NOP14: variants seen among roughly 807,000 people sequenced by gnomAD.
NOP14 encodes the protein NOP14 nucleolar protein, also known as nucleolar protein 14.
NOP14 carries 57 observed loss-of-function variants against 101.6 expected under a neutral mutation model. The observed-to-expected ratio is 0.56, with a 90% CI of 0.45 to 0.70. The LOEUF (loss-of-function observed/expected upper bound fraction) is 0.70, where lower values mean the gene tolerates loss of function less well. Ranked by LOEUF, NOP14 falls within the 30% of genes least tolerant of loss-of-function variation. The probability of loss-of-function intolerance (pLI) is 0.00; values close to 1 mark genes in which losing one functional copy is unlikely to be tolerated. For synonymous variants in NOP14, 428 were observed against 424.0 expected (o/e 1.01, Z -0.12); for missense variants, 1,134 against 1,075.5 (o/e 1.05, Z -0.76).
At chr4:2,960,718 T>TTATAATTATATTAATATTAATATATTAA (rs1560310501) in intron 1 of NOP14, among the ~76,000 whole-genome samples, 2 of 97,734 alleles carry the variant, frequency 2.0e-5, no homozygotes, top group Non-Finnish European at 4.6e-5. Context: ...TATATTAATA[T>TTATAATTATATTAATATTAATATATTAA]TATAATCACA....
chr4:2,942,052 G>T, intron 14 of NOP14, 140 bp downstream of exon 14: 1 of 794,766 alleles, frequency 1.3e-6, no homozygotes, highest in Non-Finnish European at 2.0e-6. Context: ...ACATGCCTCA[G>T]AAAGGCTTTC....
At chr4:2,961,817 G>C (rs769414613) in intron 1 of NOP14, 2 of 152,202 alleles carry the variant, frequency 1.3e-5, no homozygotes, top group Non-Finnish European at 2.9e-5. Flanking sequence ...TCAAATATTT[G>C]TGTTTCTTCC....
In NOP14 at chr4:2,941,572, G is replaced by T. The variant is rs779000327; in HGVS notation, c.2199+10C>A. ...CCAGGCAGAGCACCCTAGTGGCCGGGAAGCCTCACCTGGAGCTCCTGCGGG... is the reference window on the plus strand; with the variant it reads ...CCAGGCAGAGCACCCTAGTGGCCGGTAAGCCTCACCTGGAGCTCCTGCGGG... On this transcript the variant is annotated intron_variant, in intron 15 of 17. Transcript: ENST00000416614. 1.9e-6 allele frequency: 3 copies of T among 1,610,426 alleles called. No individual in the cohort carries two copies. The highest frequency in any genetic ancestry group is 3.3e-5 in the Admixed American group (2 of 59,770).
At chr4:2,940,290 T>A (rs1464413641) in intron 15 of NOP14, 1 of 152,816 alleles carries the variant, frequency 6.5e-6, no homozygotes, top group Non-Finnish European at 1.5e-5. Flanking sequence ...CTACCCGCTT[T>A]CTCCTGCACA....
At position 2,938,450 on chromosome 4, in the gene NOP14, G is replaced by C; in HGVS notation, c.*381C>G. 2 of 349,638 alleles carry C rather than the reference G, an allele frequency of 5.7e-6. No homozygotes were observed. The highest frequency in any genetic ancestry group is 1.1e-5 in the Non-Finnish European group (2 of 179,438). The allele number at this position is 349,638 out of a possible 1,614,324, so 21.7% of individuals were successfully genotyped here. On this transcript the variant is annotated 3_prime_UTR_variant, in exon 18 of 18. Coordinates refer to ENST00000416614, the MANE Select transcript of NOP14 (RefSeq NM_001291978.2). ...CAGGAGAATCGCTTGAACCCAGGAGGTGGAGGTTGTGCCATTGCACTCCAG... is the reference window on the plus strand; with the variant it reads ...CAGGAGAATCGCTTGAACCCAGGAGCTGGAGGTTGTGCCATTGCACTCCAG...
Position 2,939,611 on chromosome 4 carries a change from C to T in NOP14, c.2234G>A (p.Ser745Asn). The T allele has an allele frequency of 6.2e-7, 1 of 1,613,890 alleles. No homozygotes were observed. The highest frequency in any genetic ancestry group is 8.5e-7 in the Non-Finnish European group (1 of 1,180,036). ...CAGCGGCCGGCAGAGCTGCTTCTGG[C>T]TTTCCATTTCGGTCAGTGTGCTCTG... Reference protein sequence around the residue: ...LCQSTLTEMESQKQLCRPLTC... With the variant: ...LCQSTLTEMENQKQLCRPLTC... Residue 745 changes from serine (S) to asparagine (N), a missense_variant, in exon 16 of 18, where the codon AGC (serine) becomes AAC (asparagine). Coordinates refer to ENST00000416614, the MANE Select transcript of NOP14 (RefSeq NM_001291978.2).
chr4:2,942,821 G>C (rs1490324183), intron 13 of NOP14, among the ~76,000 whole-genome samples: 4 of 147,602 alleles, frequency 2.7e-5, no homozygotes, highest in Non-Finnish European at 4.5e-5. Context: ...CTGAGGGGCA[G>C]ACGTCAGCAA....
chr4:2,953,536 TTC>T lies in NOP14; in HGVS notation c.720_721del (p.Asn241GlnfsTer13). The T allele has an allele frequency of 6.2e-7, 1 of 1,614,266 alleles. No homozygotes were observed. The highest frequency in any genetic ancestry group is 1.1e-5 in the South Asian group (1 of 91,084). On this transcript the variant is annotated frameshift_variant, in exon 5 of 18. Transcript: ENST00000416614. LOFTEE classifies it high-confidence loss of function. Reference sequence around the variant, plus strand: ...CTTGGGTTTTTCCTTTTTGTCTCTGTTCTCTGACTTGGGAGTTTTGTGGGACA... The same window carrying T: ...CTTGGGTTTTTCCTTTTTGTCTCTGTTCTGACTTGGGAGTTTTGTGGGACA...
intron 4 of NOP14, 105 bp downstream of exon 4, chr4:2,954,319 A>C: frequency 1.5e-6 from 2 of 1,316,068 alleles, no homozygotes; most frequent in Non-Finnish European, 2.1e-6. Context: ...ACTCATATAA[A>C]ATATTAAACA....
In NOP14 at chr4:2,938,036, C is replaced by T. The variant is rs1713787603; in HGVS notation, c.*795G>A. ...CAGAAATTACACTGGCCAGAATCCC[C>T]AGTCCCCATGAGGCTTGTCCAGACG... is the stretch of plus-strand genomic sequence containing the variant. On this transcript the variant is annotated 3_prime_UTR_variant, in exon 18 of 18. Transcript: ENST00000416614. 1 of 328,754 alleles carries T rather than the reference C, an allele frequency of 3.0e-6. No individual in the cohort carries two copies. Among genetic ancestry groups the T allele is most frequent in the East Asian group, 1.3e-4 (1 of 7,870 alleles). The allele number at this position is 328,754 out of a possible 1,614,324, so 20.4% of individuals were successfully genotyped here.
rs770350311 is a variant in NOP14 at position 2,963,323 on chromosome 4, G to A, written c.-4C>T. On this transcript the variant is annotated 5_prime_UTR_variant, in exon 1 of 18. Transcript: ENST00000416614. ...CGACCTTCTTCGCCTTCGCCATGGC[G>A]CGCGCCCCGCTGCGCCCAAGGGCCC... is the stretch of plus-strand genomic sequence containing the variant. 6.4e-7 allele frequency: 1 copy of A among 1,569,230 alleles called. No individual in the cohort carries two copies. The highest frequency in any genetic ancestry group is 8.6e-7 in the Non-Finnish European group (1 of 1,162,472).
chr4:2,940,445 C>A (rs910768295), intron 15 of NOP14: 1 of 152,362 alleles, frequency 6.6e-6, no homozygotes, highest in East Asian at 1.9e-4. Context: ...GACCATGAGA[C>A]CTGCTGTGCC....
At chr4:2,954,894 T>C (rs1715236735) in intron 3 of NOP14, among the ~76,000 whole-genome samples, 1 of 152,078 alleles carries the variant, frequency 6.6e-6, no homozygotes, top group Non-Finnish European at 1.5e-5. Flanking sequence ...AGGGTCTTGG[T>C]GGGAGCGTCG....
intron 2 of NOP14, among the ~76,000 whole-genome samples, chr4:2,957,046 G>C (rs1444388578): frequency 6.6e-6 from 1 of 152,120 alleles, no homozygotes; most frequent in Non-Finnish European, 1.5e-5. Flanking sequence ...CTGTTGCCCA[G>C]GCTGGAGTGC....
In NOP14 at chr4:2,956,734, G is replaced by A. The variant is rs1364557677; in HGVS notation, c.408C>T (p.Asp136=). 8 of 1,613,386 alleles carry A rather than the reference G, an allele frequency of 5.0e-6. No homozygotes were observed. Among genetic ancestry groups the A allele is most frequent in the Middle Eastern group, 1.6e-4 (1 of 6,080 alleles). Reference sequence around the variant, plus strand: ...CCACAATGTCATTATGCTTCTCGATGTCTGCCAAAGACTGGCCATAATGAG... The same window carrying A: ...CCACAATGTCATTATGCTTCTCGATATCTGCCAAAGACTGGCCATAATGAG... ...ELTHYGQSLA[D]IEKHNDIVDS... is the part of the protein sequence containing the mutation. Residue 136 remains aspartate (D), a synonymous_variant, in exon 3 of 18, where the codon GAC becomes GAT. Transcript: ENST00000416614.
intron 12 of NOP14, among the ~76,000 whole-genome samples, chr4:2,944,881 G>A (rs1348488380): frequency 1.1e-4 from 16 of 152,266 alleles, no homozygotes; most frequent in Admixed American, 1.0e-3. Flanking sequence ...TAACTTGAAA[G>A]GTTGTTTTCT....
chr4:2,951,636 C>T (rs1224929179), intron 6 of NOP14, among the ~76,000 whole-genome samples: 2 of 151,980 alleles, frequency 1.3e-5, no homozygotes, highest in Non-Finnish European at 2.9e-5. Flanking sequence ...ACACTGGACA[C>T]GGGAAGAAGC....
At position 2,947,557 on chromosome 4, in the gene NOP14, G is replaced by A; in HGVS notation, c.1468C>T (p.Pro490Ser). The A allele has an allele frequency of 6.2e-7, 1 of 1,614,022 alleles. No individual in the cohort carries two copies. The highest frequency in any genetic ancestry group is 8.5e-7 in the Non-Finnish European group (1 of 1,179,894). ...YVGDLATDDP[P>S]DLTVIDKLVV... Reference sequence around the variant, plus strand: ...AACTTATCAATGACTGTGAGGTCTGGTGGGTCATCTGTAGCCAAATCGCCA... The same window carrying A: ...AACTTATCAATGACTGTGAGGTCTGATGGGTCATCTGTAGCCAAATCGCCA... The change falls in exon 10 of 18, where the codon CCA becomes TCA. Residue 490 changes from proline (P) to serine (S), a missense_variant. Physicochemically the swap from Pro to Ser is moderately conservative, Grantham distance 74. Coordinates refer to ENST00000416614, the MANE Select transcript of NOP14 (RefSeq NM_001291978.2).
rs531861685 is a variant in NOP14 at position 2,953,460 on chromosome 4, G to A, written c.747+51C>T. On this transcript the variant is annotated intron_variant, in intron 5 of 17. Transcript: ENST00000416614. ...CCCAGCCCTTTCTCTGGAGAAAGTC[G>A]GTCACCCAAGCTCAGTGAGTGAAGA... 77 of 1,598,370 alleles carry A rather than the reference G, an allele frequency of 4.8e-5. No homozygotes were observed. The Admixed American group carries it at 1.0e-3, about 22-fold the overall frequency.
Sources: gnomAD v4.1 joint callset for allele counts (sites outside exome capture counted in the v4.1 genomes callset) on GRCh38, gnomAD v4.1.1 for gene constraint, MANE v1.5 for transcripts, NCBI Gene and HGNC (gene_info 2026-07-23, HGNC 2026-07-21) for gene names.